The following ACE variants were observed in gnomAD, a reference collection of about 807,000 sequenced individuals.
ACE encodes angiotensin I converting enzyme.
In ACE, 122 loss-of-function variants were observed where a neutral mutation model predicts 162.3. That is an observed-to-expected ratio of 0.75 (90% CI 0.65 to 0.87). The LOEUF (loss-of-function observed/expected upper bound fraction) is 0.87. Among genes scored for constraint, ACE ranks in the 40% least tolerant of loss-of-function variants. The probability of loss-of-function intolerance (pLI) is 0.00; values close to 1 mark genes in which losing one functional copy is unlikely to be tolerated. For synonymous variants in ACE, 796 were observed against 720.6 expected, an observed-to-expected ratio of 1.10 and a Z score of -1.68; for missense variants, 1,799 against 1,735.1, an observed-to-expected ratio of 1.04 and a Z score of -0.65.
At chr17:63,495,893 C>A (rs900550708) in intron 22 of ACE, among the ~76,000 whole-genome samples, 1 of 152,240 alleles carries the variant, frequency 6.6e-6, no homozygotes, top group African/African-American at 2.4e-5. Context: ...TTTAAAACCT[C>A]TTCAGACTTT....
In ACE at chr17:63,486,582, A is replaced by G. The variant is rs762256846; in HGVS notation, c.2084A>G (p.Asn695Ser). The change falls in exon 14 of 25, where the codon AAC becomes AGC. Residue 695 changes from asparagine (N) to serine (S), a missense_variant. Transcript: ENST00000290866. ...CTGCAGAAGAACATGCAAATAGCCA[A>G]CCACACCCTGAAGTACGGCACCCAG... ...ILLQKNMQIA[N>S]HTLKYGTQAR... is the part of the protein sequence containing the mutation. 4 of 1,614,090 alleles carry G rather than the reference A, an allele frequency of 2.5e-6. No homozygotes were observed. The African/African-American group carries it at 5.3e-5, about 22-fold the overall frequency.
Position 63,483,181 on chromosome 17 carries a change from G to C in ACE, c.1487+8G>C, listed in dbSNP as rs2049741705. The C allele has an allele frequency of 6.2e-7, 1 of 1,612,992 alleles. No individual in the cohort carries two copies. Among genetic ancestry groups the C allele is most frequent in the Non-Finnish European group, 8.5e-7 (1 of 1,179,980 alleles). On this transcript the variant is annotated splice_region_variant and intron_variant, in intron 9 of 24. Coordinates refer to ENST00000290866, the MANE Select transcript of ACE (RefSeq NM_000789.4). The stretch of plus-strand genomic sequence containing the variant: ...CGACTGGTGGTATCTTCGGTGAGAG[G>C]AGGGATAGAAAAGCCTTCGCCCCAG...
In ACE at chr17:63,477,159, TGCC is replaced by T. The variant is rs1440772953; in HGVS notation, c.71_73del (p.Pro24del). On this transcript the variant is annotated inframe_deletion, in exon 1 of 25. Coordinates refer to ENST00000290866, the MANE Select transcript of ACE (RefSeq NM_000789.4). The stretch of plus-strand genomic sequence containing the variant: ...CTGCCGCTGCCGCTGCTGTTGCTGC[TGCC>T]GCCGCAGCCCGCCCTGGCGTTGGAC... The T allele has an allele frequency of 6.9e-7, 1 of 1,448,358 alleles. No individual in the cohort carries two copies. The highest frequency in any genetic ancestry group is 9.1e-7 in the Non-Finnish European group (1 of 1,102,256). The allele number at this position is 1,448,358 out of a possible 1,614,324, so 89.7% of individuals were successfully genotyped here.
At position 63,485,571 on chromosome 17, in the gene ACE, A is replaced by T. The variant is rs1043651646; in HGVS notation, c.2058+199A>T. Reference sequence around the variant, plus strand: ...GGAGGCGGGCGGATCACGAGGTCAGATCAAGACCATCCTGGCTAACACGGT... The same window carrying T: ...GGAGGCGGGCGGATCACGAGGTCAGTTCAAGACCATCCTGGCTAACACGGT... On this transcript the variant is annotated intron_variant, in intron 13 of 24. Transcript: ENST00000290866. 3.0e-5 allele frequency: 20 copies of T among 664,934 alleles called. No homozygotes were observed. In the African/African-American group the frequency reaches 3.0e-4, roughly 10 times the overall value. The allele number at this position is 664,934 out of a possible 1,614,324, so 41.2% of individuals were successfully genotyped here. A position where few individuals can be genotyped will look rare whatever the true frequency, so the allele number is the denominator to read the frequency against.
chr17:63,497,397 G>A lies in ACE; in HGVS notation c.*31G>A. The A allele has an allele frequency of 6.5e-7, 1 of 1,534,960 alleles. No homozygotes were observed. The highest frequency in any genetic ancestry group is 8.8e-7 in the Non-Finnish European group (1 of 1,136,300). On this transcript the variant is annotated 3_prime_UTR_variant, in exon 25 of 25. Transcript: ENST00000290866. ...CCCGGCTGGGTCGGCCCTGCCCAAG[G>A]GCCTCCCACCAGAGACTGGGATGGG...
intron 19 of ACE, 55 bp from the exon 20 acceptor site, chr17:63,493,381 C>T: frequency 1.3e-6 from 2 of 1,551,348 alleles, no homozygotes; most frequent in Non-Finnish European, 1.8e-6. Context: ...CCCTTATGCC[C>T]AGGGCTTCTC....
chr17:63,480,685 G>A (rs1390501330), intron 5 of ACE, among the ~76,000 whole-genome samples, 157 bp downstream of exon 5: 1 of 152,186 alleles, frequency 6.6e-6, no homozygotes, highest in African/African-American at 2.4e-5. Flanking sequence ...GAGACCATTC[G>A]TGTTCCCACT....
chr17:63,477,757 C>T (rs1343207073), intron 1 of ACE, 174 bp from the exon 2 acceptor site: 1 of 742,180 alleles, frequency 1.3e-6, no homozygotes, highest in Non-Finnish European at 2.2e-6. Context: ...CAGATTCCCT[C>T]CAGAAGGAGG....
In ACE at chr17:63,486,645, C is replaced by T; in HGVS notation, c.2147C>T (p.Thr716Ile). ...GATGTGAACCAGTTGCAGAACACCA[C>T]TATCAAGCGGATCATAAAGAAGGTT... ...KFDVNQLQNT[T>I]IKRIIKKVQD... The change falls in exon 14 of 25, where the codon ACT (threonine) becomes ATT (isoleucine). Residue 716 changes from threonine to isoleucine, a missense_variant. Physicochemically the swap from Thr to Ile is moderately conservative, Grantham distance 89. Transcript: ENST00000290866. The T allele has an allele frequency of 6.2e-7, 1 of 1,614,236 alleles. No individual in the cohort carries two copies. The highest frequency in any genetic ancestry group is 8.5e-7 in the Non-Finnish European group (1 of 1,180,040).
At chr17:63,477,675 C>T in intron 1 of ACE, 1 of 545,940 alleles carries the variant, frequency 1.8e-6, no homozygotes, top group Non-Finnish European at 3.3e-6. Context: ...CACCGCACTG[C>T]ACTGTCCATC....
At chr17:63,482,772 G>A in intron 8 of ACE, 83 bp downstream of exon 8, 1 of 1,439,986 alleles carries the variant, frequency 6.9e-7, no homozygotes, top group South Asian at 1.2e-5. Flanking sequence ...GCCCCACTCA[G>A]CTCTGCCCTT....
chr17:63,480,629 C>T, intron 5 of ACE, 101 bp downstream of exon 5: 2 of 1,245,440 alleles, frequency 1.6e-6, no homozygotes, highest in Non-Finnish European at 2.3e-6. Context: ...TTGTGACCCT[C>T]ACATCTCACA....
Position 63,496,931 on chromosome 17 carries a change from G to A in ACE, c.3637G>A (p.Glu1213Lys), listed in dbSNP as rs149590791. 12 of 1,613,242 alleles carry A rather than the reference G, an allele frequency of 7.4e-6. No homozygotes were observed. In the African/African-American group the frequency reaches 1.3e-4, roughly 18 times the overall value. ...PLLDWLRTEN[E>K]LHGEKLGWPQ... ...GCTGGACTGGCTCCGCACGGAGAACGAGCTGCATGGGGAGAAGCTGGGCTG... is the reference window on the plus strand; with the variant it reads ...GCTGGACTGGCTCCGCACGGAGAACAAGCTGCATGGGGAGAAGCTGGGCTG... Residue 1213 changes from glutamate to lysine, a missense_variant, in exon 24 of 25, where the codon GAG becomes AAG. Coordinates refer to ENST00000290866, the MANE Select transcript of ACE (RefSeq NM_000789.4).
Position 63,486,586 on chromosome 17 carries a change from C to T in ACE, c.2088C>T (p.His696=). The T allele has an allele frequency of 6.2e-7, 1 of 1,614,240 alleles. No individual in the cohort carries two copies. Among genetic ancestry groups the T allele is most frequent in the Non-Finnish European group, 8.5e-7 (1 of 1,180,044 alleles). Residue 696 remains histidine (H), a synonymous_variant, in exon 14 of 25, where the codon CAC becomes CAT. Transcript: ENST00000290866. Reference sequence around the variant, plus strand: ...AGAAGAACATGCAAATAGCCAACCACACCCTGAAGTACGGCACCCAGGCCA... The same window carrying T: ...AGAAGAACATGCAAATAGCCAACCATACCCTGAAGTACGGCACCCAGGCCA... ...LLQKNMQIAN[H]TLKYGTQARK...
rs1599149411 is a variant in ACE, at chr17:63,488,984, A to C, written c.2493A>C (p.Thr831=). The C allele has an allele frequency of 6.2e-7, 1 of 1,614,168 alleles. No homozygotes were observed. The highest frequency in any genetic ancestry group is 1.1e-5 in the South Asian group (1 of 91,078). ...ACTCGTGGAGGTCTATGTACGAGAC[A>C]CCATCCCTGGAGCAAGACCTGGAGC... ...AGDSWRSMYE[T]PSLEQDLERL... The change falls in exon 17 of 25, where the codon ACA becomes ACC. Residue 831 remains threonine (T), a synonymous_variant. Transcript: ENST00000290866.
intron 7 of ACE, 67 bp downstream of exon 7, chr17:63,481,805 C>A (rs2049715068): frequency 6.2e-7 from 1 of 1,606,364 alleles, no homozygotes; most frequent in Non-Finnish European, 8.5e-7. Flanking sequence ...GGCAGGCAGC[C>A]CAGGCGCAGG....
At chr17:63,490,427 G>A (rs2030293747) in intron 17 of ACE, 1 of 200,634 alleles carries the variant, frequency 5.0e-6, no homozygotes, top group Non-Finnish European at 1.0e-5. Context: ...GGCTGGTGAA[G>A]AGAGCAGCCT....
rs186118049 is a variant in ACE, at chr17:63,478,777, C to T, written c.418-230C>T. On this transcript the variant is annotated intron_variant, in intron 2 of 24. Coordinates refer to ENST00000290866, the MANE Select transcript of ACE (RefSeq NM_000789.4). Reference sequence around the variant, plus strand: ...GCCAAGCTGGGACTTGACCCTGACCCTGACTTTCAGGACTCCTGTCCCCCA... The same window carrying T: ...GCCAAGCTGGGACTTGACCCTGACCTTGACTTTCAGGACTCCTGTCCCCCA... 1,287 of 602,530 alleles carry T rather than the reference C, an allele frequency of 2.1e-3. 20 individuals are homozygous for T. In the Admixed American group the frequency reaches 0.028, roughly 13 times the overall value. 37.3% of individuals were successfully genotyped at this position (602,530 alleles called of 1,614,324 possible).
intron 3 of ACE, 56 bp downstream of exon 3, chr17:63,479,156 G>A: frequency 2.1e-6 from 3 of 1,401,128 alleles, no homozygotes; most frequent in Non-Finnish European, 3.0e-6. Flanking sequence ...ACATTGCCCT[G>A]CTGCACTCCA....
Sources: gnomAD v4.1 joint callset for allele counts (sites outside exome capture counted in the v4.1 genomes callset) on GRCh38, gnomAD v4.1.1 for gene constraint, MANE v1.5 for transcripts, NCBI Gene and HGNC (gene_info 2026-07-23, HGNC 2026-07-21) for gene names.